Variants in SLC38A2 observed in about 807,000 individuals in gnomAD.
SLC38A2 encodes the protein sodium-coupled neutral amino acid symporter 2.
SLC38A2 carries 11 observed loss-of-function variants against 61.5 expected under a neutral mutation model. The observed-to-expected ratio is 0.18, with a 90% CI of 0.11 to 0.30. SLC38A2 has a LOEUF of 0.30. Ranked by LOEUF, SLC38A2 falls within the 10% of genes least tolerant of loss-of-function variation. The pLI, the probability that SLC38A2 is intolerant of heterozygous loss-of-function variation, is 1.00. For synonymous variants in SLC38A2, 217 were observed against 212.5 expected (o/e 1.02, Z -0.18); for missense variants, 522 against 600.4 (o/e 0.87, Z 1.36).
chr12:46,361,606 T>G (rs1278696811), intron 15 of SLC38A2, among the ~76,000 whole-genome samples: 1 of 152,112 alleles, frequency 6.6e-6, no homozygotes, highest in Non-Finnish European at 1.5e-5. Context: ...AAATACTAAT[T>G]CCTAAATCCT....
intron 2 of SLC38A2, 26 bp from the exon 3 acceptor site, chr12:46,370,883 T>C (rs1943188764): frequency 6.5e-7 from 1 of 1,539,986 alleles, no homozygotes; most frequent in South Asian, 1.2e-5. Context: ...ACATATATAA[T>C]TGTAAACTGG....
chr12:46,367,912 T>G (rs1208139738), intron 4 of SLC38A2, among the ~76,000 whole-genome samples: 4 of 152,058 alleles, frequency 2.6e-5, no homozygotes, highest in Admixed American at 6.6e-5. Flanking sequence ...GCAGGATGAC[T>G]GCTTGAGGCC....
At chr12:46,367,201 G>T in intron 5 of SLC38A2, 33 bp from the exon 6 acceptor site, 1 of 1,593,574 alleles carries the variant, frequency 6.3e-7, no homozygotes, top group African/African-American at 1.3e-5. Context: ...TGAAGCCAAG[G>T]ATTTTAAAAG....
chr12:46,368,710 G>A (rs1267508558), intron 4 of SLC38A2, among the ~76,000 whole-genome samples: 1 of 152,220 alleles, frequency 6.6e-6, no homozygotes, highest in Non-Finnish European at 1.5e-5. Context: ...CTAAATGCCA[G>A]AAGTTTTACA....
At chr12:46,370,093 C>G (rs1008125388) in intron 4 of SLC38A2, among the ~76,000 whole-genome samples, 1 of 152,170 alleles carries the variant, frequency 6.6e-6, no homozygotes, top group African/African-American at 2.4e-5. Context: ...TCCTTATTCA[C>G]GTAAGGGGCC....
intron 7 of SLC38A2, among the ~76,000 whole-genome samples, chr12:46,365,840 T>C (rs570400786): frequency 2.0e-5 from 3 of 152,250 alleles, no homozygotes; most frequent in African/African-American, 2.4e-5. Context: ...GAAAACATTA[T>C]GTATATCCTC....
intron 4 of SLC38A2, among the ~76,000 whole-genome samples, chr12:46,368,150 G>A (rs1315725082): frequency 5.9e-5 from 9 of 151,994 alleles, no homozygotes; most frequent in Admixed American, 3.3e-4. Context: ...ATGGTAAGGG[G>A]GAAATGACAC....
rs534035442 is a variant in SLC38A2, at chr12:46,358,309, G to C, written c.*2802C>G. The C allele has an allele frequency of 6.5e-6, 1 of 152,676 alleles. No homozygotes were observed. The highest frequency in any genetic ancestry group is 6.5e-5 in the Admixed American group (1 of 15,290). 9.5% of individuals were successfully genotyped at this position (152,676 alleles called of 1,614,324 possible). A position where few individuals can be genotyped will look rare whatever the true frequency, so the allele number is the denominator to read the frequency against. On this transcript the variant is annotated 3_prime_UTR_variant, in exon 16 of 16. Transcript: ENST00000256689. ...AATTGTTGGCCTCTAACAGTACAGT[G>C]GGGATATTTACACTATATACACAAA...
At chr12:46,368,158 CACTA>C (rs1943158522) in intron 4 of SLC38A2, among the ~76,000 whole-genome samples, 1 of 151,906 alleles carries the variant, frequency 6.6e-6, no homozygotes, top group South Asian at 2.1e-4. Flanking sequence ...GGGGAAATGA[CACTA>C]ACATGATACT....
Position 46,363,036 on chromosome 12 carries a change from T to G in SLC38A2, c.1164A>C (p.Pro388=), listed in dbSNP as rs1211663124. 6.2e-7 allele frequency: 1 copy of G among 1,612,946 alleles called. No individual in the cohort carries two copies. Among genetic ancestry groups the G allele is most frequent in the Admixed American group, 1.7e-5 (1 of 59,960 alleles). The change falls in exon 13 of 16, where the codon CCA becomes CCC. Residue 388 remains proline, a synonymous_variant. Transcript: ENST00000256689. The stretch of plus-strand genomic sequence containing the variant: ...GATTACTTACTGGGAAAATAACTAC[T>G]GGTACTGTCAGGGTCACAGCCATTA... ...AVLMAVTLTV[P]VVIFPIRSSV...
Position 46,363,160 on chromosome 12 carries a change from CAA to C in SLC38A2, c.1055-17_1055-16del. The C allele has an allele frequency of 6.2e-7, 1 of 1,602,474 alleles. No homozygotes were observed. Among genetic ancestry groups the C allele is most frequent in the Non-Finnish European group, 8.5e-7 (1 of 1,174,762 alleles). On this transcript the variant is annotated splice_polypyrimidine_tract_variant and intron_variant, in intron 12 of 15. Transcript: ENST00000256689. ...CTCAACATGTTCTACAGGGAAAGAC[CAA>C]AAAAACTTTGATTGGCTGTTTTCAT...
rs145981705 is a variant in SLC38A2, at chr12:46,364,374, A to T, written c.873+15T>A. 3.4e-4 allele frequency: 535 copies of T among 1,560,830 alleles called. 3 individuals are homozygous for T. In the African/African-American group the frequency reaches 6.7e-3, roughly 19 times the overall value. On this transcript the variant is annotated intron_variant, in intron 10 of 15. Transcript: ENST00000256689. ...CCTAAACTCTTCTTTTGAGAAAATA[A>T]GCATATTTAGTTACCTGTGAGTTGA...
At position 46,367,513 on chromosome 12, in the gene SLC38A2, T is replaced by C. The variant is rs1943151451; in HGVS notation, c.315-173A>G. ...TAACTGGAATGGCAACACTGTCTCT[T>C]GGCTGGCAGTAAAAACTTGCATCAT... On this transcript the variant is annotated intron_variant, in intron 4 of 15. Transcript: ENST00000256689. 15 of 606,180 alleles carry C rather than the reference T, an allele frequency of 2.5e-5. No individual in the cohort carries two copies. The South Asian group carries it at 3.1e-4, about 13-fold the overall frequency. 37.6% of individuals were successfully genotyped at this position (606,180 alleles called of 1,614,324 possible).
At chr12:46,370,214 GT>G (rs904592953) in intron 4 of SLC38A2, among the ~76,000 whole-genome samples, 1 of 152,124 alleles carries the variant, frequency 6.6e-6, no homozygotes, top group African/African-American at 2.4e-5. Context: ...TTTAGCCATA[GT>G]TTTTTTAATA....
chr12:46,367,011 G>A, intron 6 of SLC38A2, 65 bp downstream of exon 6: 14 of 1,603,918 alleles, frequency 8.7e-6, no homozygotes, highest in Non-Finnish European at 1.2e-5. Context: ...AAACGCATGT[G>A]TCACCATTCT....
intron 15 of SLC38A2, 192 bp downstream of exon 15, chr12:46,362,092 T>G (rs1565826854): frequency 3.9e-6 from 2 of 519,184 alleles, no homozygotes; most frequent in Admixed American, 3.6e-5. Context: ...AATTTAAGTG[T>G]TCATTAGATG....
rs1943071435 is a variant in SLC38A2 at position 46,360,636 on chromosome 12, A to G, written c.*475T>C. ...CAAAAAAGCAATTTCTTAAAAGTAA[A>G]AGAGTGCTTCTGAGGTCTTTAAGTA... On this transcript the variant is annotated 3_prime_UTR_variant, in exon 16 of 16. Transcript: ENST00000256689. 1 of 152,902 alleles carries G rather than the reference A, an allele frequency of 6.5e-6. No homozygotes were observed. Among genetic ancestry groups the G allele is most frequent in the African/African-American group, 2.4e-5 (1 of 41,450 alleles). 9.5% of individuals were successfully genotyped at this position (152,902 alleles called of 1,614,324 possible). A position where few individuals can be genotyped will look rare whatever the true frequency, so the allele number is the denominator to read the frequency against.
chr12:46,367,428 G>A, intron 4 of SLC38A2, 88 bp from the exon 5 acceptor site: 1 of 777,308 alleles, frequency 1.3e-6, no homozygotes, highest in Non-Finnish European at 2.2e-6. Flanking sequence ...ATAACATTAT[G>A]TGTGCAACTT....
intron 12 of SLC38A2, 48 bp downstream of exon 12, chr12:46,363,678 G>C: frequency 3.3e-6 from 4 of 1,209,942 alleles, no homozygotes; most frequent in Non-Finnish European, 4.6e-6. Flanking sequence ...TTCAATAAGC[G>C]TTTTTTTTTG....
Sources: gnomAD v4.1 joint callset for allele counts (sites outside exome capture counted in the v4.1 genomes callset) on GRCh38, gnomAD v4.1.1 for gene constraint, MANE v1.5 for transcripts, NCBI Gene and HGNC (gene_info 2026-07-23, HGNC 2026-07-21) for gene names.